Variants in RARB observed in about 807,000 individuals in gnomAD.
The protein encoded by RARB is HBV-activated protein.
RARB carries 17 observed loss-of-function variants against 51.9 expected under a neutral mutation model. The observed-to-expected ratio is 0.33, with a 90% CI of 0.22 to 0.49. The LOEUF (loss-of-function observed/expected upper bound fraction) is 0.49. Ranked by LOEUF, RARB falls within the 20% of genes least tolerant of loss-of-function variation. The pLI, the probability that RARB is intolerant of heterozygous loss-of-function variation, is 0.99. For missense variants in RARB, 369 were observed against 550.8 expected (o/e 0.67, Z 3.30); for synonymous variants, 215 against 195.4 (o/e 1.10, Z -0.84).
intron 5 of RARB, among the ~76,000 whole-genome samples, chr3:25,409,941 T>C (rs1178109540): frequency 2.6e-5 from 4 of 152,232 alleles, no homozygotes; most frequent in Non-Finnish European, 4.4e-5. Context: ...AGTTTTGTCC[T>C]AGACAAATCC....
intron 5 of RARB, among the ~76,000 whole-genome samples, chr3:25,583,347 GGACA>G (rs1162469517): frequency 2.6e-5 from 4 of 152,192 alleles, no homozygotes; most frequent in Admixed American, 2.6e-4. Context: ...CCAGGCGGAT[GGACA>G]GACAGACAGA....
intron 2 of RARB, among the ~76,000 whole-genome samples, chr3:25,007,592 C>CAAAAAAAAAAAAAAAACA (rs759589176): frequency 8.8e-5 from 4 of 45,418 alleles, no homozygotes; most frequent in African/African-American, 4.2e-4. Context: ...GAGACTGTCT[C>CAAAAAAAAAAAAAAAACA]AAAAAAAAAA....
chr3:25,118,836 G>C (rs577275817), intron 3 of RARB, among the ~76,000 whole-genome samples: 5 of 152,202 alleles, frequency 3.3e-5, no homozygotes, highest in Admixed American at 3.3e-4. Flanking sequence ...AATGGGAATG[G>C]AGGTCCCAGA....
chr3:25,113,073 C>T (rs1395493140), intron 3 of RARB, among the ~76,000 whole-genome samples: 1 of 152,152 alleles, frequency 6.6e-6, no homozygotes, highest in Non-Finnish European at 1.5e-5. Flanking sequence ...AAATGAATCA[C>T]ATTATAAAGT....
chr3:25,239,079 A>C (rs1245552744), intron 5 of RARB, among the ~76,000 whole-genome samples: 1 of 152,182 alleles, frequency 6.6e-6, no homozygotes, highest in Non-Finnish European at 1.5e-5. Flanking sequence ...ATTTTTTCAT[A>C]CATCAGTTGA....
intron 2 of RARB, among the ~76,000 whole-genome samples, chr3:24,881,655 A>G (rs1386347539): frequency 1.3e-5 from 2 of 152,240 alleles, no homozygotes; most frequent in Non-Finnish European, 2.9e-5. Flanking sequence ...ACTGGAATCC[A>G]GAAGACAATG....
chr3:24,924,997 C>T (rs1310397283), intron 2 of RARB, among the ~76,000 whole-genome samples: 1 of 152,092 alleles, frequency 6.6e-6, no homozygotes, highest in Non-Finnish European at 1.5e-5. Flanking sequence ...CTGGGCTGAC[C>T]ACCACCACTG....
intron 5 of RARB, among the ~76,000 whole-genome samples, chr3:25,195,078 A>C (rs116922359): frequency 6.6e-6 from 1 of 152,086 alleles, no homozygotes; most frequent in Non-Finnish European, 1.5e-5. Flanking sequence ...GCTTGACATC[A>C]GTCAGTAATT....
chr3:25,539,162 A>G (rs1022519294), intron 3 of RARB, among the ~76,000 whole-genome samples: 2 of 152,222 alleles, frequency 1.3e-5, no homozygotes, highest in African/African-American at 4.8e-5. Context: ...TGGTAACTGC[A>G]TAGAACTTTA....
rs533370056 is a variant in RARB at position 25,559,628 on chromosome 3, A to G, written c.449-10130A>G. ...AAGTGCTCAATAACTATTTGAGCAG[A>G]AGAAGAAATAAATAGATGGATATAT... On this transcript the variant is annotated intron_variant, in intron 3 of 7. Transcript: ENST00000330688. Among the ~76,000 whole-genome samples the G allele has an allele frequency of 9.2e-5, 14 of 152,366 alleles. No homozygotes were observed. The East Asian group carries it at 2.7e-3, about 29-fold the overall frequency.
chr3:24,999,274 C>A (rs549872931), intron 2 of RARB, among the ~76,000 whole-genome samples: 8 of 152,252 alleles, frequency 5.3e-5, no homozygotes, highest in Non-Finnish European at 1.0e-4. Context: ...TGTTATAAAT[C>A]TCACCTTTGC....
intron 5 of RARB, among the ~76,000 whole-genome samples, chr3:25,202,500 C>G: frequency 6.6e-6 from 1 of 152,100 alleles, no homozygotes; most frequent in Non-Finnish European, 1.5e-5. Flanking sequence ...TCTGCTCTTG[C>G]TTCTCAGTTC....
intron 2 of RARB, among the ~76,000 whole-genome samples, chr3:24,949,978 G>A (rs1217432492): frequency 1.3e-5 from 2 of 152,212 alleles, no homozygotes; most frequent in Admixed American, 6.5e-5. Flanking sequence ...AGAGGGAAGA[G>A]CGAAAGGACA....
At chr3:25,185,541 C>T (rs927448286) in intron 5 of RARB, among the ~76,000 whole-genome samples, 15 of 152,128 alleles carry the variant, frequency 9.9e-5, no homozygotes, top group African/African-American at 2.2e-4. Flanking sequence ...TTAACCTTGA[C>T]ATTTCATACA....
intron 2 of RARB, among the ~76,000 whole-genome samples, chr3:25,030,514 C>T (rs1575126548): frequency 6.6e-6 from 1 of 152,152 alleles, no homozygotes; most frequent in East Asian, 1.9e-4. Flanking sequence ...ATGAGGAAAA[C>T]ATTTTTGAGG....
chr3:25,038,794 T>C (rs1698055877), intron 2 of RARB, among the ~76,000 whole-genome samples: 1 of 152,166 alleles, frequency 6.6e-6, no homozygotes, highest in African/African-American at 2.4e-5. Context: ...TTACTTGAGA[T>C]TTATTAACTA....
intron 2 of RARB, among the ~76,000 whole-genome samples, chr3:25,464,522 C>A (rs1695336298): frequency 6.6e-6 from 1 of 152,118 alleles, no homozygotes; most frequent in South Asian, 2.1e-4. Flanking sequence ...GTGGATTGCT[C>A]TTCTCCCTGG....
At chr3:25,552,693 C>T (rs1354973889) in intron 3 of RARB, among the ~76,000 whole-genome samples, 12 of 152,010 alleles carry the variant, frequency 7.9e-5, no homozygotes, top group Middle Eastern at 3.2e-3. Flanking sequence ...ATACTGCACC[C>T]GTCTAAAATG....
intron 2 of RARB, among the ~76,000 whole-genome samples, chr3:25,040,155 CAG>C (rs1199871689): frequency 2.0e-5 from 3 of 152,126 alleles, no homozygotes; most frequent in Admixed American, 6.5e-5. Flanking sequence ...ATTCCGTCAA[CAG>C]AGACGAAATG....
Sources: allele counts gnomAD v4.1 joint callset (sites outside exome capture counted in the v4.1 genomes callset), GRCh38; gene constraint gnomAD v4.1.1; transcripts MANE v1.5; gene names NCBI Gene and HGNC (gene_info 2026-07-23, HGNC 2026-07-21).